Variants in PCDHGA2 observed in about 807,000 individuals in gnomAD.
PCDHGA2 encodes the protein protocadherin gamma-A2.
A neutral mutation model predicts 59.2 loss-of-function variants in PCDHGA2; 40 were observed. The ratio of observed to expected loss-of-function variants is 0.68; its 90% confidence interval spans 0.52 to 0.88. PCDHGA2 has a LOEUF of 0.88. Ranked by LOEUF, PCDHGA2 falls within the 40% of genes least tolerant of loss-of-function variation. PCDHGA2 has a pLI of 0.00. For missense variants in PCDHGA2, 1,226 were observed against 1,204.0 expected (o/e 1.02, Z -0.27); for synonymous variants, 560 against 526.0 (o/e 1.06, Z -0.89).
At chr5:141,376,491 A>T in intron 1 of PCDHGA2, 2 of 1,614,114 alleles carry the variant, frequency 1.2e-6, no homozygotes, top group Non-Finnish European at 1.7e-6. Context: ...ACGAAAGGAG[A>T]ACCCAGGCAA....
Position 141,489,653 on chromosome 5 carries a change from G to A in PCDHGA2, c.2425-5154G>A, listed in dbSNP as rs752269910. 2.0e-5 allele frequency: 33 copies of A among 1,614,164 alleles called. No individual in the cohort carries two copies. In the East Asian group the frequency reaches 4.9e-4, roughly 24 times the overall value. ...TCTCCTAGCTTTGCCACCCCTGAGC[G>A]AGAGATGCGCATCTCAGAATCAGCA... On this transcript the variant is annotated intron_variant, in intron 1 of 3. Transcript: ENST00000394576. This position sits in a 1 kb window ranked among gnomAD's most constrained non-coding sequence, Gnocchi z 4.5.
Position 141,420,043 on chromosome 5 carries a change from G to T in PCDHGA2, c.2425-74764G>T, listed in dbSNP as rs747553514. On this transcript the variant is annotated intron_variant, in intron 1 of 3. Coordinates refer to ENST00000394576, the MANE Select transcript of PCDHGA2 (RefSeq NM_018915.4). ...GCCCTACTGCAGGAGACTGCTTTGAGTCAGTTCTCTGCTCCAAGTCCGGAC... is the reference window on the plus strand; with the variant it reads ...GCCCTACTGCAGGAGACTGCTTTGATTCAGTTCTCTGCTCCAAGTCCGGAC... The T allele has an allele frequency of 1.9e-6, 3 of 1,614,078 alleles. No individual in the cohort carries two copies. In the Admixed American group the frequency reaches 5.0e-5, roughly 27 times the overall value.
At chr5:141,389,463 G>A (rs1201903320) in intron 1 of PCDHGA2, 7 of 1,613,192 alleles carry the variant, frequency 4.3e-6, no homozygotes, top group South Asian at 1.1e-5. Context: ...GCGCGCCTTC[G>A]AACTCACACT....
rs1304361659 is a variant in PCDHGA2 at position 141,494,859 on chromosome 5, C to T, written c.2477C>T (p.Thr826Ile). 2 of 1,614,134 alleles carry T rather than the reference C, an allele frequency of 1.2e-6. No individual in the cohort carries two copies. The highest frequency in any genetic ancestry group is 8.5e-7 in the Non-Finnish European group (1 of 1,180,012). Reference protein sequence around the residue: ...WRFSQAQRPGTSGSQNGDDTG... With the variant: ...WRFSQAQRPGISGSQNGDDTG... Reference sequence around the variant, plus strand: ...TTCTCTCAGGCCCAGAGACCCGGCACCAGCGGGTAGGTGACTGATTCTCCA... The same window carrying T: ...TTCTCTCAGGCCCAGAGACCCGGCATCAGCGGGTAGGTGACTGATTCTCCA... Residue 826 changes from threonine to isoleucine, a missense_variant, in exon 2 of 4, where the codon ACC becomes ATC. By Grantham distance (89) the Thr-to-Ile change is moderately conservative. Coordinates refer to ENST00000394576, the MANE Select transcript of PCDHGA2 (RefSeq NM_018915.4).
chr5:141,422,472 G>T, intron 1 of PCDHGA2: 2 of 1,613,680 alleles, frequency 1.2e-6, no homozygotes, highest in Non-Finnish European at 1.7e-6. Flanking sequence ...ACAGGGAGTT[G>T]GTCCAGAGCT....
At position 141,393,564 on chromosome 5, in the gene PCDHGA2, G is replaced by A; in HGVS notation, c.2424+52169G>A. On this transcript the variant is annotated intron_variant, in intron 1 of 3. Coordinates refer to ENST00000394576, the MANE Select transcript of PCDHGA2 (RefSeq NM_018915.4). ...TCCTCACCCGATTTACCGAGTGAAA[G>A]TCCTTGAGAACATGCCCCCAGGCAC... is the stretch of plus-strand genomic sequence containing the variant. 1 of 1,613,932 alleles carries A rather than the reference G, an allele frequency of 6.2e-7. No individual in the cohort carries two copies. Among genetic ancestry groups the A allele is most frequent in the Non-Finnish European group, 8.5e-7 (1 of 1,179,894 alleles).
chr5:141,418,153 G>A (rs1561771797), intron 1 of PCDHGA2: 2 of 1,614,086 alleles, frequency 1.2e-6, no homozygotes, highest in East Asian at 2.2e-5. Context: ...TATGCAAAGA[G>A]AGAAGAAGAT....
intron 1 of PCDHGA2, chr5:141,344,903 G>A (rs750934380): frequency 6.2e-7 from 1 of 1,613,876 alleles, no homozygotes; most frequent in East Asian, 2.2e-5. Flanking sequence ...AAATCGCTGA[G>A]ATTTTCCATC....
chr5:141,459,981 G>C (rs1023972964), intron 1 of PCDHGA2, among the ~76,000 whole-genome samples: 7 of 152,330 alleles, frequency 4.6e-5, no homozygotes, highest in Admixed American at 1.3e-4. Context: ...AGGAGGCTGA[G>C]ACAGGAGAAT....
chr5:141,393,744 G>A lies in PCDHGA2; in HGVS notation c.2424+52349G>A, dbSNP rs770821376. The A allele has an allele frequency of 2.0e-5, 32 of 1,613,750 alleles. No individual in the cohort carries two copies. The highest frequency in any genetic ancestry group is 2.7e-5 in the Non-Finnish European group (32 of 1,179,884). On this transcript the variant is annotated intron_variant, in intron 1 of 3. Coordinates refer to ENST00000394576, the MANE Select transcript of PCDHGA2 (RefSeq NM_018915.4). ...AATAGCAAAAAGTCTAGATTATGAAGAATGTTCATTTTATGAAATGGAAAT... is the reference window on the plus strand; with the variant it reads ...AATAGCAAAAAGTCTAGATTATGAAAAATGTTCATTTTATGAAATGGAAAT...
At chr5:141,428,164 T>C (rs1221973020) in intron 1 of PCDHGA2, 1 of 1,564,976 alleles carries the variant, frequency 6.4e-7, no homozygotes, top group South Asian at 1.1e-5. Flanking sequence ...TGCTGGTTGC[T>C]GTGCGTGACG....
intron 1 of PCDHGA2, among the ~76,000 whole-genome samples, chr5:141,349,157 G>T (rs1174610915): frequency 1.3e-5 from 2 of 152,068 alleles, no homozygotes. Context: ...TGCAACCTCT[G>T]CCTCCTGAGT....
In PCDHGA2 at chr5:141,355,590, AC is replaced by A. The variant is rs1262542114; in HGVS notation, c.2424+14198del. On this transcript the variant is annotated intron_variant, in intron 1 of 3. Coordinates refer to ENST00000394576, the MANE Select transcript of PCDHGA2 (RefSeq NM_018915.4). ...AAATAATCGATGTTAATGATAACCC[AC>A]CCAGTTTTGGGACAGAACAGAGGGA... 3 of 1,613,952 alleles carry A rather than the reference AC, an allele frequency of 1.9e-6. No homozygotes were observed. In the South Asian group the frequency reaches 3.3e-5, roughly 18 times the overall value.
At chr5:141,402,037 G>A (rs749684542) in intron 1 of PCDHGA2, among the ~76,000 whole-genome samples, 24 of 152,118 alleles carry the variant, frequency 1.6e-4, no homozygotes, top group Non-Finnish European at 2.9e-4. Flanking sequence ...CACAGTCTGT[G>A]CATGCATTAC....
intron 1 of PCDHGA2, among the ~76,000 whole-genome samples, chr5:141,359,300 T>C (rs1221692939): frequency 6.6e-6 from 1 of 152,140 alleles, no homozygotes; most frequent in Non-Finnish European, 1.5e-5. Context: ...GTGTCAAGCA[T>C]ATTCAGGTGT....
intron 1 of PCDHGA2, chr5:141,384,281 T>C (rs766739394): frequency 9.9e-6 from 16 of 1,613,774 alleles, no homozygotes; most frequent in Admixed American, 6.7e-5. Flanking sequence ...TCAGTCTACA[T>C]CGCTGAGAAC....
intron 3 of PCDHGA2, among the ~76,000 whole-genome samples, chr5:141,508,506 C>G (rs2099869342): frequency 6.6e-6 from 1 of 152,180 alleles, no homozygotes; most frequent in Admixed American, 6.5e-5. Context: ...TCTCTCCCTC[C>G]TGGTCCAGCC....
intron 1 of PCDHGA2, chr5:141,413,956 G>A (rs2095696052): frequency 2.5e-6 from 4 of 1,613,366 alleles, no homozygotes; most frequent in African/African-American, 2.7e-5. Flanking sequence ...GAATTTGCCT[G>A]TGGGCACTCA....
At chr5:141,458,496 A>G (rs905073741) in intron 1 of PCDHGA2, among the ~76,000 whole-genome samples, 1 of 151,694 alleles carries the variant, frequency 6.6e-6, no homozygotes, top group Non-Finnish European at 1.5e-5. Flanking sequence ...CTGCCTGTAC[A>G]TACTGTTTGA....
Sources: gnomAD v4.1 joint callset for allele counts (sites outside exome capture counted in the v4.1 genomes callset) on GRCh38, gnomAD v4.1.1 for gene constraint, Gnocchi (gnomAD v3.1) non-coding constraint, MANE v1.5 for transcripts, NCBI Gene and HGNC (gene_info 2026-07-23, HGNC 2026-07-21) for gene names.